ACBD6: variants seen among roughly 807,000 people sequenced by gnomAD.
ACBD6 encodes acyl-CoA-binding domain-containing protein 6.
Under a neutral mutation model 37.2 loss-of-function variants are expected in ACBD6, and 28 were observed. That is an observed-to-expected ratio of 0.75 (90% CI 0.56 to 1.03). The LOEUF (loss-of-function observed/expected upper bound fraction) is 1.03, where lower values mean the gene tolerates loss of function less well. ACBD6 is among the 50% of genes least tolerant of loss of function. ACBD6 has a pLI of 0.00. For synonymous variants in ACBD6, 113 were observed against 126.8 expected (o/e 0.89, Z 0.73); for missense variants, 340 against 337.4 (o/e 1.01, Z -0.06).
At chr1:180,397,645 G>T in intron 5 of ACBD6, 40 bp from the exon 6 acceptor site, 1 of 1,458,708 alleles carries the variant, frequency 6.9e-7, no homozygotes, top group Non-Finnish European at 9.6e-7. Flanking sequence ...TATCTCAGTT[G>T]TGGAGCCATG....
At chr1:180,429,554 C>T (rs1367201913) in intron 4 of ACBD6, among the ~76,000 whole-genome samples, 1 of 152,096 alleles carries the variant, frequency 6.6e-6, no homozygotes, top group African/African-American at 2.4e-5. Flanking sequence ...CTGCTATGAA[C>T]ATGGGTGTGC....
intron 6 of ACBD6, among the ~76,000 whole-genome samples, chr1:180,327,239 C>T (rs1466849207): frequency 6.6e-6 from 1 of 152,196 alleles, no homozygotes; most frequent in Non-Finnish European, 1.5e-5. Context: ...AGTCCAAATG[C>T]TCCTTCTATG....
intron 3 of ACBD6, among the ~76,000 whole-genome samples, chr1:180,439,076 C>T (rs1649175042): frequency 6.6e-6 from 1 of 152,144 alleles, no homozygotes; most frequent in South Asian, 2.1e-4. Flanking sequence ...TTTAAGGTTC[C>T]TCCATGTCTT....
chr1:180,377,958 T>C (rs1653498990), intron 6 of ACBD6, among the ~76,000 whole-genome samples: 1 of 147,962 alleles, frequency 6.8e-6, no homozygotes, highest in Admixed American at 6.8e-5. Context: ...AAAATAATAA[T>C]AATAATAATA....
At chr1:180,303,289 A>T (rs1650208544) in intron 7 of ACBD6, among the ~76,000 whole-genome samples, 1 of 150,852 alleles carries the variant, frequency 6.6e-6, no homozygotes. Flanking sequence ...GACACAAAAA[A>T]CCCTTCAAAA....
chr1:180,315,695 A>T (rs564283692), intron 6 of ACBD6, among the ~76,000 whole-genome samples: 3 of 152,286 alleles, frequency 2.0e-5, no homozygotes, highest in Admixed American at 2.0e-4. Context: ...TAGAAAGAAA[A>T]GCAAGAAGCT....
intron 5 of ACBD6, among the ~76,000 whole-genome samples, chr1:180,403,722 T>C (rs1647486609): frequency 6.6e-6 from 1 of 152,186 alleles, no homozygotes; most frequent in South Asian, 2.1e-4. Context: ...GGTATATGCA[T>C]ACAATGGAAT....
At chr1:180,451,239 A>G (rs1649691141) in intron 3 of ACBD6, among the ~76,000 whole-genome samples, 1 of 152,206 alleles carries the variant, frequency 6.6e-6, no homozygotes, top group African/African-American at 2.4e-5. Flanking sequence ...TACAATCAAA[A>G]AGGCAGAAAA....
intron 7 of ACBD6, among the ~76,000 whole-genome samples, chr1:180,300,932 GAC>G (rs1486393936): frequency 6.6e-6 from 1 of 152,122 alleles, no homozygotes; most frequent in Non-Finnish European, 1.5e-5. Flanking sequence ...TCCTTAAAAA[GAC>G]AGCAGGACTG....
intron 3 of ACBD6, among the ~76,000 whole-genome samples, chr1:180,484,921 G>A (rs1015271001): frequency 2.7e-4 from 41 of 151,906 alleles, no homozygotes; most frequent in African/African-American, 9.7e-4. Context: ...AAAATTAGCT[G>A]GGCGTGGTGG....
At chr1:180,446,262 C>G (rs907808327) in intron 3 of ACBD6, among the ~76,000 whole-genome samples, 1 of 151,944 alleles carries the variant, frequency 6.6e-6, no homozygotes, top group Non-Finnish European at 1.5e-5. Context: ...ATCTACCCAC[C>G]TCAGCCTCCC....
At chr1:180,409,292 A>C (rs1647756535) in intron 5 of ACBD6, among the ~76,000 whole-genome samples, 1 of 152,250 alleles carries the variant, frequency 6.6e-6, no homozygotes, top group Non-Finnish European at 1.5e-5. Flanking sequence ...ATTTTAACTC[A>C]CAAGCACAAA....
intron 4 of ACBD6, among the ~76,000 whole-genome samples, chr1:180,420,135 C>A (rs1466528605): frequency 6.6e-6 from 1 of 152,192 alleles, no homozygotes; most frequent in South Asian, 2.1e-4. Context: ...GGTTTGGAAG[C>A]AATCATTTCC....
chr1:180,445,882 T>C (rs1422148452), intron 3 of ACBD6, among the ~76,000 whole-genome samples: 8 of 152,330 alleles, frequency 5.3e-5, no homozygotes, highest in Admixed American at 5.2e-4. Flanking sequence ...CACACCAAGA[T>C]CCTTTGATAT....
chr1:180,403,516 A>C (rs921089778), intron 5 of ACBD6, among the ~76,000 whole-genome samples: 4 of 152,210 alleles, frequency 2.6e-5, no homozygotes, highest in African/African-American at 9.6e-5. Context: ...TAATGGTAGA[A>C]TCGAGATGGT....
chr1:180,318,007 T>C (rs1650882902), intron 6 of ACBD6, among the ~76,000 whole-genome samples: 2 of 152,000 alleles, frequency 1.3e-5, no homozygotes, highest in Non-Finnish European at 2.9e-5. Context: ...TGAAACCTTG[T>C]CTCTACTAAA....
intron 3 of ACBD6, among the ~76,000 whole-genome samples, chr1:180,487,953 G>C (rs187730129): frequency 5.8e-4 from 89 of 152,226 alleles, no homozygotes; most frequent in Non-Finnish European, 1.1e-3. Context: ...GTACTCACTG[G>C]GGGTCTTGGA....
chr1:180,477,460 C>A (rs1272462172), intron 3 of ACBD6, among the ~76,000 whole-genome samples: 1 of 152,136 alleles, frequency 6.6e-6, no homozygotes, highest in Non-Finnish European at 1.5e-5. Flanking sequence ...ACACACCATG[C>A]TTTTCTGTAC....
At chr1:180,294,126 C>A (rs1483637244) in intron 7 of ACBD6, among the ~76,000 whole-genome samples, 2 of 152,006 alleles carry the variant, frequency 1.3e-5, no homozygotes, top group Admixed American at 1.3e-4. Flanking sequence ...AACTCCTGAC[C>A]TCAGGTGATC....
Sources: gnomAD v4.1 joint callset for allele counts (sites outside exome capture counted in the v4.1 genomes callset) on GRCh38, gnomAD v4.1.1 for gene constraint, MANE v1.5 for transcripts, NCBI Gene and HGNC (gene_info 2026-07-23, HGNC 2026-07-21) for gene names.